ENPP1: variants seen among roughly 807,000 people sequenced by gnomAD.
ENPP1 encodes ectonucleotide pyrophosphatase/phosphodiesterase 1, also known as ectonucleotide pyrophosphatase/phosphodiesterase family member 1.
A neutral mutation model predicts 122.8 loss-of-function variants in ENPP1; 73 were observed. That is an observed-to-expected ratio of 0.59 (90% CI 0.49 to 0.72). ENPP1 has a LOEUF of 0.72. ENPP1 is among the 30% of genes least tolerant of loss of function. The pLI is 0.00. For synonymous variants in ENPP1, 367 were observed against 391.6 expected, an observed-to-expected ratio of 0.94 and a Z score of 0.74; for missense variants, 978 against 1,128.1, an observed-to-expected ratio of 0.87 and a Z score of 1.91.
At chr6:131,828,412 A>G (rs559385357) in intron 1 of ENPP1, 195 of 342,644 alleles carry the variant, frequency 5.7e-4, no homozygotes, top group Non-Finnish European at 1.0e-3. Context: ...TAGTGTAATC[A>G]TGACTTTCCC....
At chr6:131,811,988 G>A (rs549564490) in intron 1 of ENPP1, among the ~76,000 whole-genome samples, 1 of 152,260 alleles carries the variant, frequency 6.6e-6, no homozygotes, top group Admixed American at 6.5e-5. Flanking sequence ...ACTTAGTGAG[G>A]TTCCAAGGCT....
chr6:131,814,315 T>C (rs1781390756), intron 1 of ENPP1, among the ~76,000 whole-genome samples: 1 of 151,962 alleles, frequency 6.6e-6, no homozygotes, highest in African/African-American at 2.4e-5. Flanking sequence ...AAATGGAGAA[T>C]GCAATGAGTT....
At chr6:131,868,560 C>A (rs1782119166) in intron 12 of ENPP1, among the ~76,000 whole-genome samples, 1 of 152,192 alleles carries the variant, frequency 6.6e-6, no homozygotes, top group Non-Finnish European at 1.5e-5. Context: ...CTACCTCAGC[C>A]TCCTGAGTAG....
chr6:131,828,470 A>G (rs1322583595), intron 1 of ENPP1: 1 of 248,924 alleles, frequency 4.0e-6, no homozygotes, highest in Non-Finnish European at 7.8e-6. Flanking sequence ...TAAATCAGAA[A>G]TGCTTCAATC....
chr6:131,832,719 G>T (rs1326375531), intron 1 of ENPP1, among the ~76,000 whole-genome samples: 1 of 152,136 alleles, frequency 6.6e-6, no homozygotes, highest in African/African-American at 2.4e-5. Context: ...CAAGGGCTGG[G>T]GCATTTAGGG....
chr6:131,858,767 TTCTA>T lies in ENPP1; in HGVS notation c.795+24_795+27del. 2 of 1,539,038 alleles carry T rather than the reference TTCTA, an allele frequency of 1.3e-6. No individual in the cohort carries two copies. Among genetic ancestry groups the T allele is most frequent in the African/African-American group, 1.4e-5 (1 of 73,466 alleles). On this transcript the variant is annotated intron_variant, in intron 7 of 24. Coordinates refer to ENST00000647893, the MANE Select transcript of ENPP1 (RefSeq NM_006208.3). ...GTCACCGTAAGCTCTGCATTTCAAC[TTCTA>T]TCTGTTTGAAGAAGTGAGATGGGAT...
intron 23 of ENPP1, among the ~76,000 whole-genome samples, chr6:131,885,787 G>A (rs1662356874): frequency 1.3e-5 from 2 of 152,142 alleles, no homozygotes. Context: ...AATTTGCAAA[G>A]TTACAGTTTT....
chr6:131,836,740 G>C (rs1781679663), intron 1 of ENPP1, among the ~76,000 whole-genome samples: 1 of 152,108 alleles, frequency 6.6e-6, no homozygotes, highest in Non-Finnish European at 1.5e-5. Flanking sequence ...AAACAAAATT[G>C]CTGTGATAAG....
At chr6:131,809,214 T>C (rs1397343974) in intron 1 of ENPP1, among the ~76,000 whole-genome samples, 1 of 152,240 alleles carries the variant, frequency 6.6e-6, no homozygotes, top group Non-Finnish European at 1.5e-5. Context: ...TTTATTGTAT[T>C]ATATGGAAAT....
intron 24 of ENPP1, among the ~76,000 whole-genome samples, chr6:131,889,158 C>T (rs1437857008): frequency 6.6e-6 from 1 of 152,172 alleles, no homozygotes; most frequent in East Asian, 1.9e-4. Flanking sequence ...GGAATCAAGA[C>T]TTATATGTTA....
chr6:131,828,272 TG>T (rs1162783125), intron 1 of ENPP1: 8 of 540,392 alleles, frequency 1.5e-5, no homozygotes, highest in Non-Finnish European at 2.5e-5. Flanking sequence ...AACCCTGCTC[TG>T]TGTCAGCTGG....
chr6:131,877,211 C>T (rs1468318409), intron 18 of ENPP1, 50 bp downstream of exon 18: 1 of 1,523,234 alleles, frequency 6.6e-7, no homozygotes, highest in East Asian at 2.3e-5. Flanking sequence ...TGATAGCACC[C>T]TCTGCATAGC....
At chr6:131,868,680 A>G (rs1782120259) in intron 12 of ENPP1, among the ~76,000 whole-genome samples, 1 of 152,200 alleles carries the variant, frequency 6.6e-6, no homozygotes, top group Non-Finnish European at 1.5e-5. Flanking sequence ...CTTGCTCTCA[A>G]GCTCCCACTG....
At chr6:131,851,288 TGCA>T in intron 4 of ENPP1, 21 bp downstream of exon 4, 1 of 1,614,022 alleles carries the variant, frequency 6.2e-7, no homozygotes, top group Non-Finnish European at 8.5e-7. Flanking sequence ...CGTTGGGCTC[TGCA>T]GCAGCCTGGT....
chr6:131,863,776 C>T (rs922535908), intron 9 of ENPP1, among the ~76,000 whole-genome samples: 1 of 150,790 alleles, frequency 6.6e-6, no homozygotes, highest in Non-Finnish European at 1.5e-5. Context: ...AATTGCCAGG[C>T]GTGGTGGTGC....
At chr6:131,841,147 T>C (rs890496817) in intron 1 of ENPP1, among the ~76,000 whole-genome samples, 1 of 152,222 alleles carries the variant, frequency 6.6e-6, no homozygotes, top group Non-Finnish European at 1.5e-5. Flanking sequence ...AGATTCTAAC[T>C]TCTGCTTTGA....
rs201280142 is a variant in ENPP1, at chr6:131,850,049, G to A, written c.373G>A (p.Ala125Thr). Residue 125 changes from alanine (A) to threonine (T), a missense_variant, in exon 3 of 25, where the codon GCC (alanine) becomes ACC (threonine). Coordinates refer to ENST00000647893, the MANE Select transcript of ENPP1 (RefSeq NM_006208.3). ...ATTTGGGAACTGTCGCTGTGATGCT[G>A]CCTGTGTTGAGCTTGGAAACTGCTG... ...RTFGNCRCDA[A>T]CVELGNCCLD... The A allele has an allele frequency of 1.1e-5, 17 of 1,613,938 alleles. No individual in the cohort carries two copies. The African/African-American group carries it at 1.5e-4, about 14-fold the overall frequency.
In ENPP1 at chr6:131,874,322, A is replaced by G; in HGVS notation, c.1620A>G (p.Val540=). The change falls in exon 16 of 25, where the codon GTA becomes GTG. Residue 540 remains valine (V), a synonymous_variant. Coordinates refer to ENST00000647893, the MANE Select transcript of ENPP1 (RefSeq NM_006208.3). ...CGSGFHGSDN[V]FSNMQALFVG... Reference sequence around the variant, plus strand: ...GTGGATTTCATGGCTCTGACAATGTATTTTCAAATATGCAAGTGAGTAAAC... The same window carrying G: ...GTGGATTTCATGGCTCTGACAATGTGTTTTCAAATATGCAAGTGAGTAAAC... The G allele has an allele frequency of 1.3e-6, 2 of 1,583,480 alleles. No homozygotes were observed. Among genetic ancestry groups the G allele is most frequent in the Non-Finnish European group, 1.7e-6 (2 of 1,153,196 alleles).
Position 131,850,108 on chromosome 6 carries a change from T to C in ENPP1, c.430+2T>C. Reference sequence around the variant, plus strand: ...ACCAGGAGACGTGCATAGAACCAGGTAAGGATGAGCAGGGAAAAAAGTGGA... The same window carrying C: ...ACCAGGAGACGTGCATAGAACCAGGCAAGGATGAGCAGGGAAAAAAGTGGA... On this transcript the variant is annotated splice_donor_variant, in intron 3 of 24. Coordinates refer to ENST00000647893, the MANE Select transcript of ENPP1 (RefSeq NM_006208.3). LOFTEE classifies it high-confidence loss of function. 3.2e-6 allele frequency: 5 copies of C among 1,586,122 alleles called. No homozygotes were observed. Among genetic ancestry groups the C allele is most frequent in the Non-Finnish European group, 4.3e-6 (5 of 1,154,506 alleles).
Sources: allele counts gnomAD v4.1 joint callset (sites outside exome capture counted in the v4.1 genomes callset), GRCh38; gene constraint gnomAD v4.1.1; transcripts MANE v1.5; gene names NCBI Gene and HGNC (gene_info 2026-07-23, HGNC 2026-07-21).